NWD1: variants seen among roughly 807,000 people sequenced by gnomAD.
NWD1 encodes NACHT and WD repeat domain containing 1.
NWD1 carries 129 observed loss-of-function variants against 135.1 expected under a neutral mutation model. The ratio of observed to expected loss-of-function variants is 0.96; its 90% confidence interval spans 0.83 to 1.11. The LOEUF is 1.11. Among genes scored for constraint, NWD1 ranks in the 50% least tolerant of loss-of-function variants. The pLI is 0.00. For missense variants in NWD1, 1,740 were observed against 1,851.3 expected (o/e 0.94, Z 1.10); for synonymous variants, 773 against 786.0 (o/e 0.98, Z 0.28).
chr19:16,796,710 T>C (rs925282426), intron 15 of NWD1, among the ~76,000 whole-genome samples: 3 of 151,994 alleles, frequency 2.0e-5, no homozygotes, highest in Non-Finnish European at 2.9e-5. Context: ...TCTTCCTCTC[T>C]ACCTCCTTGA....
intron 15 of NWD1, among the ~76,000 whole-genome samples, chr19:16,795,940 G>A (rs146464810): frequency 1.1e-3 from 174 of 152,176 alleles, no homozygotes; most frequent in African/African-American, 3.9e-3. Context: ...CTCTTGTCCC[G>A]TGTCCAAGAA....
In NWD1 at chr19:16,736,743, C is replaced by T. The variant is rs1234334640; in HGVS notation, c.191C>T (p.Ala64Val). The T allele has an allele frequency of 1.0e-5, 16 of 1,527,072 alleles. No homozygotes were observed. Among genetic ancestry groups the T allele is most frequent in the Non-Finnish European group, 1.1e-5 (12 of 1,138,452 alleles). 94.6% of individuals were successfully genotyped at this position (1,527,072 alleles called of 1,614,324 possible). A position where few individuals can be genotyped will look rare whatever the true frequency, so the allele number is the denominator to read the frequency against. The change falls in exon 4 of 19, where the codon GCT becomes GTT. Residue 64 changes from alanine (A) to valine (V), a missense_variant. Ala to Val is a moderately conservative substitution (Grantham distance 64). Coordinates refer to ENST00000524140, the MANE Select transcript of NWD1 (RefSeq NM_001007525.5). ...DRCWKTSIGP[A>V]FVALIGDQYG... ...TGTTGGAAAACATCCATAGGGCCAGCTTTTGTTGTGAGTGTCTTGGGAGGA... is the reference window on the plus strand; with the variant it reads ...TGTTGGAAAACATCCATAGGGCCAGTTTTTGTTGTGAGTGTCTTGGGAGGA...
At chr19:16,781,007 A>T (rs1306168662) in intron 12 of NWD1, among the ~76,000 whole-genome samples, 1 of 152,144 alleles carries the variant, frequency 6.6e-6, no homozygotes. Context: ...ATTGCCAAGG[A>T]TGTGGATCAG....
intron 4 of NWD1, among the ~76,000 whole-genome samples, chr19:16,738,938 G>T (rs1262574971): frequency 7.4e-6 from 1 of 135,740 alleles, no homozygotes; most frequent in African/African-American, 3.1e-5. Flanking sequence ...TTGCTATGTT[G>T]CCCAGGCTGG....
chr19:16,757,601 A>G (rs561141484), intron 6 of NWD1, among the ~76,000 whole-genome samples: 1 of 152,232 alleles, frequency 6.6e-6, no homozygotes, highest in African/African-American at 2.4e-5. Flanking sequence ...CTGTTTTGCA[A>G]TTCAGGCTAG....
intron 12 of NWD1, among the ~76,000 whole-genome samples, chr19:16,786,648 G>T (rs1970049970): frequency 6.6e-6 from 1 of 152,050 alleles, no homozygotes; most frequent in South Asian, 2.1e-4. Flanking sequence ...CCAGGTTCAA[G>T]CGAGTTTCCT....
At chr19:16,743,467 CA>C in intron 4 of NWD1, among the ~76,000 whole-genome samples, 1 of 152,172 alleles carries the variant, frequency 6.6e-6, no homozygotes, top group East Asian at 1.9e-4. Context: ...CTTGGCCTCC[CA>C]AAGTGTTGGG....
rs149004219 is a variant in NWD1 at position 16,787,904 on chromosome 19, AATCATCATCATCATCATCATC to A, written c.2732-1057_2732-1037del. Among the ~76,000 whole-genome samples the A allele has an allele frequency of 6.5e-3, 791 of 121,022 alleles. 12 individuals carry two copies. Among genetic ancestry groups the A allele is most frequent in the African/African-American group, 0.023 (732 of 31,668 alleles). 79.4% of individuals were successfully genotyped at this position (121,022 alleles called of 152,430 possible). A position where few individuals can be genotyped will look rare whatever the true frequency, so the allele number is the denominator to read the frequency against. ...TAATAATAATAATAATAATAATAAT[AATCATCATCATCATCATCATC>A]ATCATCATCATCATCATCATAGGCC... is the stretch of plus-strand genomic sequence containing the variant. On this transcript the variant is annotated intron_variant, in intron 12 of 18. Transcript: ENST00000524140.
chr19:16,795,934 T>C (rs1970403918), intron 15 of NWD1, among the ~76,000 whole-genome samples: 1 of 152,116 alleles, frequency 6.6e-6, no homozygotes, highest in Admixed American at 6.6e-5. Context: ...CCTAAGCTCT[T>C]GTCCCGTGTC....
rs1169013862 is a variant in NWD1, at chr19:16,744,611, G to A, written c.389G>A (p.Cys130Tyr). The A allele has an allele frequency of 3.3e-6, 5 of 1,534,838 alleles. No individual in the cohort carries two copies. Among genetic ancestry groups the A allele is most frequent in the Non-Finnish European group, 4.4e-6 (5 of 1,146,332 alleles). Residue 130 changes from cysteine (C) to tyrosine (Y), a missense_variant, in exon 5 of 19, where the codon TGT becomes TAT. Cys to Tyr is a radical substitution (Grantham distance 194, BLOSUM62 -2). Transcript: ENST00000524140. ...CAGGCACCAGGTACTGGGGAGGCCT[G>A]TGAACCAGAGGAGGCCACCTTAACT... is the stretch of plus-strand genomic sequence containing the variant. Reference protein sequence around the residue: ...VLQAPGTGEACEPEEATLTSV... With the variant: ...VLQAPGTGEAYEPEEATLTSV...
intron 4 of NWD1, among the ~76,000 whole-genome samples, chr19:16,740,179 G>C: frequency 6.6e-6 from 1 of 151,688 alleles, no homozygotes; most frequent in Non-Finnish European, 1.5e-5. Context: ...CATGCTTGTA[G>C]TCCTAGCTGC....
Position 16,800,029 on chromosome 19 carries a change from T to C in NWD1, c.3603T>C (p.Asp1201=), listed in dbSNP as rs1380302019. ...CTTTCAAGGTCTGGGATCTCAGCGA[T>C]GCTCATAGGTCCCGGGTGCCTGCAC... ...SSSFKVWDLS[D]AHRSRVPAPF... is the part of the protein sequence containing the mutation. The change falls in exon 17 of 19, where the codon GAT becomes GAC. Residue 1201 remains aspartate, a synonymous_variant. Coordinates refer to ENST00000524140, the MANE Select transcript of NWD1 (RefSeq NM_001007525.5). The C allele has an allele frequency of 6.2e-7, 1 of 1,614,262 alleles. No individual in the cohort carries two copies. The highest frequency in any genetic ancestry group is 8.5e-7 in the Non-Finnish European group (1 of 1,180,046).
chr19:16,775,660 A>ATATTTT (rs902659522), intron 11 of NWD1, among the ~76,000 whole-genome samples: 1 of 152,084 alleles, frequency 6.6e-6, no homozygotes, highest in Non-Finnish European at 1.5e-5. Flanking sequence ...ATATGTTTTT[A>ATATTTT]TATTTTTATT....
rs988294439 is a variant in NWD1 at position 16,816,048 on chromosome 19, T to G, written c.*1009T>G. 11 of 152,248 alleles carry G rather than the reference T, an allele frequency of 7.2e-5. No homozygotes were observed. The highest frequency in any genetic ancestry group is 1.3e-4 in the Non-Finnish European group (9 of 68,092). 9.4% of individuals were successfully genotyped at this position (152,248 alleles called of 1,614,324 possible). A position where few individuals can be genotyped will look rare whatever the true frequency, so the allele number is the denominator to read the frequency against. ...GTTAGACCTCACTCCAATTTCAGTCTGCAGAGCACAACCATCTCTTCCACA... is the reference window on the plus strand; with the variant it reads ...GTTAGACCTCACTCCAATTTCAGTCGGCAGAGCACAACCATCTCTTCCACA... On this transcript the variant is annotated 3_prime_UTR_variant, in exon 19 of 19. Transcript: ENST00000524140.
chr19:16,766,031 A>G (rs963098298), intron 10 of NWD1, among the ~76,000 whole-genome samples: 2 of 151,308 alleles, frequency 1.3e-5, no homozygotes, highest in African/African-American at 2.4e-5. Context: ...AAAAAAAAAA[A>G]AAAAGAAAGA....
intron 17 of NWD1, among the ~76,000 whole-genome samples, chr19:16,805,520 AG>A (rs1240385106): frequency 6.6e-6 from 1 of 151,992 alleles, no homozygotes; most frequent in African/African-American, 2.4e-5. Flanking sequence ...TTGCAGAGGC[AG>A]GGGTCTCACT....
At chr19:16,769,082 G>A (rs978266590) in intron 10 of NWD1, among the ~76,000 whole-genome samples, 7 of 152,082 alleles carry the variant, frequency 4.6e-5, no homozygotes, top group Admixed American at 1.3e-4. Context: ...CTGTTATCTC[G>A]GCACTTTGGG....
chr19:16,773,323 G>C lies in NWD1; in HGVS notation c.2608G>C (p.Gly870Arg). ...GGCAACTCTCAGCGGCTGTCACAAA[G>C]GTGAGTCTCCCCAGCATAGCAAAAA... ...LRATLSGCHKGITAMAWGVEE... is the reference protein window; with the variant it reads ...LRATLSGCHKRITAMAWGVEE... Residue 870 changes from glycine to arginine, a missense_variant and splice_region_variant, in exon 11 of 19, where the codon GGC (glycine) becomes CGC (arginine). By Grantham distance (125) the Gly-to-Arg change is moderately radical. Transcript: ENST00000524140. 3 of 1,611,404 alleles carry C rather than the reference G, an allele frequency of 1.9e-6. No individual in the cohort carries two copies. The highest frequency in any genetic ancestry group is 2.5e-6 in the Non-Finnish European group (3 of 1,179,570).
intron 18 of NWD1, 42 bp downstream of exon 18, chr19:16,808,178 T>C: frequency 1.3e-6 from 2 of 1,562,678 alleles, no homozygotes; most frequent in East Asian, 2.2e-5. Flanking sequence ...GACCCAGGCA[T>C]TGGAAAACTG....
Sources: gnomAD v4.1 joint callset for allele counts (sites outside exome capture counted in the v4.1 genomes callset) on GRCh38, gnomAD v4.1.1 for gene constraint, MANE v1.5 for transcripts, NCBI Gene and HGNC (gene_info 2026-07-23, HGNC 2026-07-21) for gene names.